EPHA5: variants seen among roughly 807,000 people sequenced by gnomAD.
EPHA5 encodes ephrin type-A receptor 5.
Under a neutral mutation model 105.0 loss-of-function variants are expected in EPHA5, and 60 were observed. That is an observed-to-expected ratio of 0.57 (90% CI 0.46 to 0.71). The LOEUF (loss-of-function observed/expected upper bound fraction) is 0.71, where lower values mean the gene tolerates loss of function less well. Among genes scored for constraint, EPHA5 ranks in the 30% least tolerant of loss-of-function variants. The probability of loss-of-function intolerance (pLI) is 0.00; values close to 1 mark genes in which losing one functional copy is unlikely to be tolerated. For synonymous variants in EPHA5, 513 were observed against 449.1 expected, an observed-to-expected ratio of 1.14 and a Z score of -1.80; for missense variants, 1,218 against 1,274.7, an observed-to-expected ratio of 0.96 and a Z score of 0.68.
intron 2 of EPHA5, among the ~76,000 whole-genome samples, chr4:65,629,142 G>T (rs1746406522): frequency 6.6e-6 from 1 of 152,038 alleles, no homozygotes; most frequent in Admixed American, 6.6e-5. Flanking sequence ...CATAGGAAAA[G>T]CAATGTAAAC....
At chr4:65,423,060 C>T (rs1724085819) in intron 5 of EPHA5, among the ~76,000 whole-genome samples, 1 of 152,018 alleles carries the variant, frequency 6.6e-6, no homozygotes, top group South Asian at 2.1e-4. Flanking sequence ...TTAGGCTCCT[C>T]TTGGTTATGG....
At chr4:65,585,608 C>T (rs1352038446) in intron 3 of EPHA5, among the ~76,000 whole-genome samples, 1 of 151,318 alleles carries the variant, frequency 6.6e-6, no homozygotes, top group Non-Finnish European at 1.5e-5. Context: ...AAGAACAAAG[C>T]AAGAACACTT....
intron 3 of EPHA5, among the ~76,000 whole-genome samples, chr4:65,601,106 C>T (rs911768162): frequency 6.6e-6 from 1 of 152,050 alleles, no homozygotes; most frequent in African/African-American, 2.4e-5. Flanking sequence ...TAATTACAAC[C>T]ATAAGTAAAC....
chr4:65,503,441 G>A (rs996840792), intron 3 of EPHA5, among the ~76,000 whole-genome samples: 3 of 151,480 alleles, frequency 2.0e-5, no homozygotes, highest in Non-Finnish European at 4.4e-5. Context: ...GAGAATCTAG[G>A]GTTAACTGGC....
intron 7 of EPHA5, among the ~76,000 whole-genome samples, chr4:65,410,976 A>C (rs1722854988): frequency 6.6e-6 from 1 of 152,158 alleles, no homozygotes; most frequent in South Asian, 2.1e-4. Context: ...AGAAACCAGA[A>C]AAGGGTCTAA....
chr4:65,615,605 G>A (rs781403662), intron 2 of EPHA5, among the ~76,000 whole-genome samples: 7 of 151,770 alleles, frequency 4.6e-5, no homozygotes, highest in African/African-American at 9.7e-5. Context: ...AACACAAATC[G>A]CTGAGAAAGT....
chr4:65,539,566 T>C (rs1736622061), intron 3 of EPHA5, among the ~76,000 whole-genome samples: 1 of 151,676 alleles, frequency 6.6e-6, no homozygotes, highest in Non-Finnish European at 1.5e-5. Context: ...AAGGGTATGT[T>C]CCACCAGCTG....
At chr4:65,384,205 G>A (rs1032796895) in intron 8 of EPHA5, among the ~76,000 whole-genome samples, 2 of 151,812 alleles carry the variant, frequency 1.3e-5, no homozygotes, top group East Asian at 3.9e-4. Flanking sequence ...ATACTCTCCC[G>A]ACCATCTCTG....
chr4:65,396,471 G>T (rs774217710), intron 8 of EPHA5, among the ~76,000 whole-genome samples: 1 of 152,088 alleles, frequency 6.6e-6, no homozygotes, highest in Non-Finnish European at 1.5e-5. Flanking sequence ...CAGAATTTTC[G>T]GTACGACCTT....
intron 2 of EPHA5, among the ~76,000 whole-genome samples, chr4:65,606,140 CA>C (rs1248136177): frequency 3.9e-5 from 6 of 152,076 alleles, no homozygotes. Context: ...ACATTTTTTC[CA>C]GACGTCATGT....
rs553403320 is a variant in EPHA5, at chr4:65,323,976, T to C, written c.*138A>G. ...ACTTCAGTAAAACCATGATTACAAA[T>C]TCTGTGGCTGAGGCAAATGTTTTCT... On this transcript the variant is annotated 3_prime_UTR_variant, in exon 17 of 17. Transcript: ENST00000613740. 25 of 582,804 alleles carry C rather than the reference T, an allele frequency of 4.3e-5. No individual in the cohort carries two copies. The highest frequency in any genetic ancestry group is 6.6e-5 in the Non-Finnish European group (22 of 332,124). The allele number at this position is 582,804 out of a possible 1,614,324, so 36.1% of individuals were successfully genotyped here. A position where few individuals can be genotyped will look rare whatever the true frequency, so the allele number is the denominator to read the frequency against.
At position 65,409,389 on chromosome 4, in the gene EPHA5, G is replaced by A. The variant is rs191557831; in HGVS notation, c.1687+4895C>T. Among the ~76,000 whole-genome samples the A allele has an allele frequency of 5.2e-3, 673 of 129,964 alleles. 11 individuals carry two copies. The highest frequency in any genetic ancestry group is 0.017 in the African/African-American group (642 of 37,322). 85.3% of individuals were successfully genotyped at this position (129,964 alleles called of 152,430 possible). A position where few individuals can be genotyped will look rare whatever the true frequency, so the allele number is the denominator to read the frequency against. On this transcript the variant is annotated intron_variant, in intron 7 of 16. Transcript: ENST00000613740. Reference sequence around the variant, plus strand: ...AATAAATAAAAGAGCTTTGTAAGCCGGAAAAAAGGTAATATTCTTTAGTAA... The same window carrying A: ...AATAAATAAAAGAGCTTTGTAAGCCAGAAAAAAGGTAATATTCTTTAGTAA...
At chr4:65,655,558 T>C (rs1748982947) in intron 1 of EPHA5, among the ~76,000 whole-genome samples, 1 of 152,152 alleles carries the variant, frequency 6.6e-6, no homozygotes, top group South Asian at 2.1e-4. Flanking sequence ...TCTCAATCTT[T>C]ATATTGATAT....
chr4:65,524,848 A>T (rs1735082277), intron 3 of EPHA5, among the ~76,000 whole-genome samples: 1 of 151,790 alleles, frequency 6.6e-6, no homozygotes, highest in Non-Finnish European at 1.5e-5. Flanking sequence ...ATAAGTAAAT[A>T]TGGCAGATCT....
intron 3 of EPHA5, among the ~76,000 whole-genome samples, chr4:65,586,444 CT>C (rs1742133354): frequency 6.6e-6 from 1 of 151,568 alleles, no homozygotes; most frequent in South Asian, 2.1e-4. Flanking sequence ...CATATAATTA[CT>C]AGCAAATAGT....
intron 14 of EPHA5, among the ~76,000 whole-genome samples, chr4:65,343,557 T>C (rs1721936438): frequency 6.6e-6 from 1 of 152,176 alleles, no homozygotes; most frequent in South Asian, 2.1e-4. Flanking sequence ...AAATCAGCAC[T>C]TCTACTTTGT....
At chr4:65,470,316 C>G (rs1306521819) in intron 5 of EPHA5, among the ~76,000 whole-genome samples, 1 of 151,888 alleles carries the variant, frequency 6.6e-6, no homozygotes, top group African/African-American at 2.4e-5. Flanking sequence ...CTCAGCCTCC[C>G]GAGTAGCTGG....
intron 3 of EPHA5, among the ~76,000 whole-genome samples, chr4:65,512,183 C>T (rs951210684): frequency 3.9e-5 from 6 of 152,074 alleles, no homozygotes; most frequent in African/African-American, 1.2e-4. Context: ...TGATCACTTA[C>T]AGGTGAAGTG....
intron 11 of EPHA5, among the ~76,000 whole-genome samples, chr4:65,357,592 A>G (rs1723426186): frequency 6.6e-6 from 1 of 151,422 alleles, no homozygotes; most frequent in Admixed American, 6.6e-5. Context: ...ACAATCTTGG[A>G]TTACATGCAT....
Sources: gnomAD v4.1 joint callset for allele counts (sites outside exome capture counted in the v4.1 genomes callset) on GRCh38, gnomAD v4.1.1 for gene constraint, MANE v1.5 for transcripts, NCBI Gene and HGNC (gene_info 2026-07-23, HGNC 2026-07-21) for gene names.